ARHGEF28: variants seen among roughly 807,000 people sequenced by gnomAD.
ARHGEF28 encodes 190 kDa guanine nucleotide exchange factor.
A neutral mutation model predicts 206.6 loss-of-function variants in ARHGEF28; 152 were observed. The ratio of observed to expected loss-of-function variants is 0.74; its 90% confidence interval spans 0.64 to 0.84. The LOEUF (loss-of-function observed/expected upper bound fraction) is 0.84, where lower values mean the gene tolerates loss of function less well. ARHGEF28 is among the 40% of genes least tolerant of loss of function. ARHGEF28 has a pLI of 0.00. For missense variants in ARHGEF28, 2,028 were observed against 2,073.2 expected (o/e 0.98, Z 0.42); for synonymous variants, 763 against 776.4 (o/e 0.98, Z 0.29).
At chr5:73,771,865 A>G (rs1342808403) in intron 4 of ARHGEF28, among the ~76,000 whole-genome samples, 1 of 152,244 alleles carries the variant, frequency 6.6e-6, no homozygotes, top group Non-Finnish European at 1.5e-5. Context: ...TTTAATTTTC[A>G]TAAAGCTGAA....
At position 73,909,838 on chromosome 5, in the gene ARHGEF28, C is replaced by A; in HGVS notation, c.4588C>A (p.His1530Asn). Residue 1530 changes from histidine to asparagine, a missense_variant, in exon 34 of 36, where the codon CAC becomes AAC. His to Asn is a moderately conservative substitution (Grantham distance 68). Transcript: ENST00000513042. Reference sequence around the variant, plus strand: ...GCGGGCCCAGCAGAGCCTGCTGGGCCACTGGAAGCACGGCCGGCAGAGGAG... The same window carrying A: ...GCGGGCCCAGCAGAGCCTGCTGGGCAACTGGAAGCACGGCCGGCAGAGGAG... ...RMRAQQSLLG[H>N]WKHGRQRSLP... 6.5e-7 allele frequency: 1 copy of A among 1,539,542 alleles called. No individual in the cohort carries two copies. Among genetic ancestry groups the A allele is most frequent in the Non-Finnish European group, 8.7e-7 (1 of 1,155,168 alleles).
chr5:73,890,860 C>G (rs1446084716), intron 26 of ARHGEF28, among the ~76,000 whole-genome samples: 1 of 152,242 alleles, frequency 6.6e-6, no homozygotes, highest in Non-Finnish European at 1.5e-5. Flanking sequence ...AACTGTTCAT[C>G]TTGAAGTCAT....
chr5:73,894,644 C>CA, intron 29 of ARHGEF28, 69 bp downstream of exon 29: 1 of 1,527,440 alleles, frequency 6.5e-7, no homozygotes, highest in African/African-American at 1.4e-5. Context: ...TGCTAAGTGC[C>CA]ATGCACTGTG....
At chr5:73,726,784 C>T (rs1750299769) in intron 2 of ARHGEF28, among the ~76,000 whole-genome samples, 1 of 152,162 alleles carries the variant, frequency 6.6e-6, no homozygotes, top group Non-Finnish European at 1.5e-5. Flanking sequence ...TGTCACCAGC[C>T]TTTTAAAACT....
chr5:73,810,342 T>C (rs1337092074), intron 9 of ARHGEF28, among the ~76,000 whole-genome samples: 1 of 152,230 alleles, frequency 6.6e-6, no homozygotes, highest in Non-Finnish European at 1.5e-5. Context: ...CAGAATAATT[T>C]TGACATCAAG....
At chr5:73,747,004 A>G (rs1215251475) in intron 2 of ARHGEF28, among the ~76,000 whole-genome samples, 1 of 152,168 alleles carries the variant, frequency 6.6e-6, no homozygotes, top group Non-Finnish European at 1.5e-5. Flanking sequence ...ACTGGAATAC[A>G]CTAAACTTGT....
chr5:73,666,863 G>A (rs1262777366), intron 1 of ARHGEF28, among the ~76,000 whole-genome samples: 5 of 152,212 alleles, frequency 3.3e-5, no homozygotes, highest in Admixed American at 6.5e-5. Context: ...GGAGAAACAT[G>A]AGCATGCACA....
chr5:73,864,332 C>G (rs1345678389), intron 16 of ARHGEF28, among the ~76,000 whole-genome samples: 1 of 152,182 alleles, frequency 6.6e-6, no homozygotes, highest in Non-Finnish European at 1.5e-5. Flanking sequence ...CTACCTGAAA[C>G]TTGTGGTTAG....
At chr5:73,930,913 A>C (rs905523627) in intron 35 of ARHGEF28, among the ~76,000 whole-genome samples, 8 of 152,138 alleles carry the variant, frequency 5.3e-5, no homozygotes, top group African/African-American at 1.4e-4. Flanking sequence ...GTGGTCACCC[A>C]GGGCCATCCC....
At chr5:73,898,457 G>T (rs1025464259) in intron 30 of ARHGEF28, 6 of 165,590 alleles carry the variant, frequency 3.6e-5, no homozygotes, top group African/African-American at 1.4e-4. Context: ...AGTCCCTGCG[G>T]TCAATTACAG....
intron 1 of ARHGEF28, among the ~76,000 whole-genome samples, chr5:73,662,610 G>A (rs2112194069): frequency 6.6e-6 from 1 of 152,226 alleles, no homozygotes; most frequent in African/African-American, 2.4e-5. Context: ...CAAAATATTT[G>A]AAATATTAGA....
At chr5:73,848,602 T>G (rs1055778506) in intron 12 of ARHGEF28, among the ~76,000 whole-genome samples, 1 of 150,944 alleles carries the variant, frequency 6.6e-6, no homozygotes, top group Admixed American at 6.6e-5. Flanking sequence ...ATATAGAATT[T>G]TGTTAGAGGG....
At chr5:73,747,235 T>C (rs1751767550) in intron 2 of ARHGEF28, among the ~76,000 whole-genome samples, 1 of 152,202 alleles carries the variant, frequency 6.6e-6, no homozygotes, top group Non-Finnish European at 1.5e-5. Context: ...ACAAAGAATG[T>C]AATTGGATCC....
intron 35 of ARHGEF28, among the ~76,000 whole-genome samples, chr5:73,931,841 AT>A (rs1364945560): frequency 6.6e-6 from 1 of 152,160 alleles, no homozygotes; most frequent in Non-Finnish European, 1.5e-5. Flanking sequence ...TTTACCTACC[AT>A]TTTGGATTGG....
At chr5:73,765,573 C>T (rs1352693555) in intron 4 of ARHGEF28, among the ~76,000 whole-genome samples, 4 of 152,206 alleles carry the variant, frequency 2.6e-5, no homozygotes, top group African/African-American at 9.7e-5. Context: ...CTACTTATGA[C>T]TGGTTTATTG....
At position 73,893,289 on chromosome 5, in the gene ARHGEF28, G is replaced by T; in HGVS notation, c.3658+1G>T. On this transcript the variant is annotated splice_donor_variant, in intron 28 of 35. Transcript: ENST00000513042. LOFTEE classifies it high-confidence loss of function. The stretch of plus-strand genomic sequence containing the variant: ...GTGGCCAAAATTCAGCAATGTCAAG[G>T]TACAGTGCAGGCACTTCTGGCTCCC... 1 of 1,547,958 alleles carries T rather than the reference G, an allele frequency of 6.5e-7. No homozygotes were observed. The highest frequency in any genetic ancestry group is 8.7e-7 in the Non-Finnish European group (1 of 1,145,898).
intron 4 of ARHGEF28, among the ~76,000 whole-genome samples, chr5:73,755,530 C>T (rs1580572850): frequency 6.6e-6 from 1 of 152,246 alleles, no homozygotes; most frequent in Middle Eastern, 3.4e-3. Flanking sequence ...CATGGAACCT[C>T]ATAACTGCAC....
chr5:73,814,002 A>G (rs1323903972), intron 9 of ARHGEF28, among the ~76,000 whole-genome samples: 2 of 152,112 alleles, frequency 1.3e-5, no homozygotes, highest in African/African-American at 4.8e-5. Context: ...TTGGCAATAA[A>G]CAGTCCTGTT....
intron 2 of ARHGEF28, among the ~76,000 whole-genome samples, chr5:73,725,408 G>A (rs1172242027): frequency 6.6e-6 from 1 of 152,128 alleles, no homozygotes; most frequent in African/African-American, 2.4e-5. Flanking sequence ...TAGGTTTGAG[G>A]CTTATAGGTA....
Sources: gnomAD v4.1 joint callset for allele counts (sites outside exome capture counted in the v4.1 genomes callset) on GRCh38, gnomAD v4.1.1 for gene constraint, MANE v1.5 for transcripts, NCBI Gene and HGNC (gene_info 2026-07-23, HGNC 2026-07-21) for gene names.